The following ATRX variants were observed in gnomAD, a reference collection of about 807,000 sequenced individuals.
ATRX encodes ATRX chromatin remodeler.
ATRX carries 12 observed loss-of-function variants against 172.6 expected under a neutral mutation model. That is an observed-to-expected ratio of 0.07 (90% CI 0.04 to 0.11). The LOEUF (loss-of-function observed/expected upper bound fraction) is 0.11, where lower values mean the gene tolerates loss of function less well. ATRX is among the 10% of genes least tolerant of loss of function. The pLI is 1.00. For synonymous variants in ATRX, 674 were observed against 594.7 expected (o/e 1.13, Z -1.94); for missense variants, 1,368 against 1,767.4 (o/e 0.77, Z 4.05).
chrX:77,550,398 C>A (rs868923539), intron 30 of ATRX, among the ~76,000 whole-genome samples: 1 of 111,673 alleles, frequency 9.0e-6, no homozygotes, highest in African/African-American at 3.3e-5. Context: ...CAGAAAAGGC[C>A]TTTGACAAAA....
Position 77,599,823 on chromosome X carries a change from A to G in ATRX, c.5698-3T>C. On this transcript the variant is annotated splice_region_variant and splice_polypyrimidine_tract_variant and intron_variant, in intron 23 of 34. Transcript: ENST00000373344. ...ATACTGTCTTCATCAAAATAACCCT[A>G]GAGAAAAAAAAATGACCACTATTTT... The G allele has an allele frequency of 8.5e-7, 1 of 1,173,953 alleles. No individual in the cohort carries two copies. The highest frequency in any genetic ancestry group is 3.0e-5 in the East Asian group (1 of 33,615).
Position 77,663,524 on chromosome X carries a change from T to C in ATRX, c.3978A>G (p.Ser1326=), listed in dbSNP as rs369658928. The change falls in exon 12 of 35, where the codon TCA becomes TCG. Residue 1326 remains serine (S), a synonymous_variant. Transcript: ENST00000373344. ...TTGGCTTCTTAGATTCTTCAGAATC[T>C]GAATCTGATTCAGAATTGACTTGAT... ...AKNQVNSESD[S]DSEESKKPRY... 60 of 1,208,714 alleles carry C rather than the reference T, an allele frequency of 5.0e-5. No individual in the cohort carries two copies. The highest frequency in any genetic ancestry group is 6.3e-5 in the Non-Finnish European group (56 of 894,341).
chrX:77,534,362 A>T (rs2063683739), intron 30 of ATRX, among the ~76,000 whole-genome samples: 1 of 112,365 alleles, frequency 8.9e-6, no homozygotes. Flanking sequence ...TATTTGTAAC[A>T]GGATCTTCAG....
At chrX:77,676,192 A>G in intron 10 of ATRX, 34 bp downstream of exon 10, 1 of 1,171,150 alleles carries the variant, frequency 8.5e-7, no homozygotes, top group Non-Finnish European at 1.2e-6. Context: ...GGTGTGTTAT[A>G]ATCTTTTTAA....
At chrX:77,509,878 A>G (rs1464601185) in intron 34 of ATRX, among the ~76,000 whole-genome samples, 8 of 67,589 alleles carry the variant, frequency 1.2e-4, no homozygotes, top group Non-Finnish European at 1.8e-4. Context: ...CAAGTCCTGT[A>G]CTGTGCTGGG....
chrX:77,506,901 T>TTC lies in ATRX; in HGVS notation c.*1449_*1450insGA, dbSNP rs2062720304. ...GCAAAGCCCAAACCCAGTTTTCTTT[T>TTC]TTTTTTTTTTTTTTTTTTTTTTGGA... On this transcript the variant is annotated 3_prime_UTR_variant, in exon 35 of 35. Coordinates refer to ENST00000373344, the MANE Select transcript of ATRX (RefSeq NM_000489.6). The TTC allele has an allele frequency of 6.9e-6, 1 of 144,212 alleles. No individual in the cohort carries two copies. The highest frequency in any genetic ancestry group is 4.5e-4 in the South Asian group (1 of 2,213). 11.9% of individuals were successfully genotyped at this position (144,212 alleles called of 1,213,427 possible). A position where few individuals can be genotyped will look rare whatever the true frequency, so the allele number is the denominator to read the frequency against.
chrX:77,570,143 C>T (rs1557066618), intron 28 of ATRX, among the ~76,000 whole-genome samples: 1 of 109,939 alleles, frequency 9.1e-6, no homozygotes, highest in Non-Finnish European at 1.9e-5. Context: ...CACAAAGGTG[C>T]AAAACCAATT....
intron 1 of ATRX, among the ~76,000 whole-genome samples, chrX:77,771,710 A>C (rs1322119312): frequency 8.9e-6 from 1 of 111,736 alleles, no homozygotes. Flanking sequence ...AGTCTATTTC[A>C]ACCATTTACT....
intron 28 of ATRX, among the ~76,000 whole-genome samples, chrX:77,571,154 A>T (rs2065398109): frequency 1.8e-5 from 2 of 112,029 alleles, no homozygotes; most frequent in African/African-American, 6.5e-5. Context: ...AGAGTTTGGC[A>T]GTTTCCTAAA....
intron 34 of ATRX, among the ~76,000 whole-genome samples, chrX:77,519,651 A>C (rs2063163286): frequency 8.9e-6 from 1 of 112,011 alleles, no homozygotes; most frequent in Admixed American, 9.5e-5. Flanking sequence ...AAAGACAGGC[A>C]ATAACTAATA....
chrX:77,678,679 G>T (rs782810923), intron 9 of ATRX, among the ~76,000 whole-genome samples: 1 of 111,098 alleles, frequency 9.0e-6, no homozygotes, highest in South Asian at 3.8e-4. Context: ...AGTAGAGATG[G>T]GGTTTCACCA....
At chrX:77,687,090 T>C (rs1445435694) in intron 7 of ATRX, among the ~76,000 whole-genome samples, 2 of 99,997 alleles carry the variant, frequency 2.0e-5, no homozygotes, top group Admixed American at 1.2e-4. Flanking sequence ...GAGGTGGACG[T>C]TGTCGTGAGC....
intron 34 of ATRX, among the ~76,000 whole-genome samples, chrX:77,514,810 A>G (rs1450963159): frequency 5.3e-5 from 6 of 112,598 alleles, no homozygotes; most frequent in Non-Finnish European, 1.1e-4. Context: ...AAAGGAAACT[A>G]TCAACAGAGT....
Position 77,716,953 on chromosome X carries a change from C to T in ATRX, c.133+178G>A, listed in dbSNP as rs1405001167. 3.6e-5 allele frequency among the ~76,000 whole-genome samples: 4 copies of T among 111,350 alleles called. No homozygotes were observed. The Admixed American group carries it at 3.8e-4, about 11-fold the overall frequency. On this transcript the variant is annotated intron_variant, in intron 2 of 34. Coordinates refer to ENST00000373344, the MANE Select transcript of ATRX (RefSeq NM_000489.6). ...TTACCAAAATTAAAATCTCCTGTAT[C>T]AGATATAGCTAAGATACATAATAGG...
chrX:77,712,732 G>C (rs1372158271), intron 2 of ATRX, among the ~76,000 whole-genome samples: 2 of 111,750 alleles, frequency 1.8e-5, no homozygotes, highest in Non-Finnish European at 3.8e-5. Context: ...AAGAGGCTGA[G>C]ACAGGAGAAT....
In ATRX at chrX:77,558,923, ATACT is replaced by A. The variant is rs2064904290; in HGVS notation, c.6327-81_6327-78del. ...ATTTTAATTACAATATGACTTTTTG[ATACT>A]TAGTTTTTTTTTAACTATCAAGAGT... On this transcript the variant is annotated intron_variant, in intron 28 of 34. Transcript: ENST00000373344. 3.5e-6 allele frequency: 3 copies of A among 848,375 alleles called. No individual in the cohort carries two copies. In the South Asian group the frequency reaches 7.1e-5, roughly 20 times the overall value. The allele number at this position is 848,375 out of a possible 1,213,427, so 69.9% of individuals were successfully genotyped here. A position where few individuals can be genotyped will look rare whatever the true frequency, so the allele number is the denominator to read the frequency against.
intron 22 of ATRX, among the ~76,000 whole-genome samples, chrX:77,609,083 A>C (rs1557092546): frequency 8.9e-6 from 1 of 112,046 alleles, no homozygotes; most frequent in East Asian, 2.8e-4. Context: ...CAAAAGACAG[A>C]CAAACGCTGG....
At chrX:77,777,191 TAAAAAAAAAAA>T (rs782165810) in intron 1 of ATRX, among the ~76,000 whole-genome samples, 109 of 21,037 alleles carry the variant, frequency 5.2e-3, no homozygotes, top group African/African-American at 0.018. Flanking sequence ...CTGTCTCTAC[TAAAAAAAAAAA>T]AAAAAAAAAA....
chrX:77,775,600 C>A (rs2076319564), intron 1 of ATRX, among the ~76,000 whole-genome samples: 1 of 111,196 alleles, frequency 9.0e-6, no homozygotes, highest in South Asian at 3.8e-4. Context: ...GGGAGTATCA[C>A]CTGCAACCAG....
Sources: gnomAD v4.1 joint callset for allele counts (sites outside exome capture counted in the v4.1 genomes callset) on GRCh38, gnomAD v4.1.1 for gene constraint, MANE v1.5 for transcripts, NCBI Gene and HGNC (gene_info 2026-07-23, HGNC 2026-07-21) for gene names.